Variants in LIFR observed in about 807,000 individuals in gnomAD.
The protein encoded by LIFR is LIF receptor subunit alpha.
Under a neutral mutation model 122.2 loss-of-function variants are expected in LIFR, and 84 were observed. The observed-to-expected ratio is 0.69, with a 90% CI of 0.58 to 0.82. The LOEUF is 0.82. LIFR is among the 40% of genes least tolerant of loss of function. LIFR has a pLI of 0.00. For missense variants in LIFR, 1,294 were observed against 1,311.6 expected (o/e 0.99, Z 0.21); for synonymous variants, 422 against 434.7 (o/e 0.97, Z 0.36).
intron 2 of LIFR, among the ~76,000 whole-genome samples, chr5:38,600,835 T>A (rs1750209464): frequency 6.6e-6 from 1 of 152,152 alleles, no homozygotes; most frequent in Admixed American, 6.5e-5. Context: ...TTCCTGATCA[T>A]TTTGGGCCTG....
chr5:38,565,986 C>G (rs1037970103), intron 1 of LIFR, among the ~76,000 whole-genome samples: 1 of 152,076 alleles, frequency 6.6e-6, no homozygotes, highest in Non-Finnish European at 1.5e-5. Context: ...AGCCCTTTGT[C>G]TTATGAAGAC....
Position 38,506,063 on chromosome 5 carries a change from T to C in LIFR, c.1133A>G (p.Lys378Arg). The change falls in exon 9 of 20, where the codon AAA becomes AGA. Residue 378 changes from lysine to arginine, a missense_variant. Lys to Arg is a conservative substitution (Grantham distance 26). Transcript: ENST00000453190. ...SYTLVESFSGKYVRLKRAEAP... is the reference protein window; with the variant it reads ...SYTLVESFSGRYVRLKRAEAP... Reference sequence around the variant, plus strand: ...TTCAGCTCTTTTAAGTCTAACATATTTTCCTGAAAAACTGTTAATTAACAG... The same window carrying C: ...TTCAGCTCTTTTAAGTCTAACATATCTTCCTGAAAAACTGTTAATTAACAG... 1.3e-6 allele frequency: 2 copies of C among 1,596,362 alleles called. No homozygotes were observed. Among genetic ancestry groups the C allele is most frequent in the Non-Finnish European group, 1.7e-6 (2 of 1,169,052 alleles).
At chr5:38,494,506 C>A (rs1744774023) in intron 13 of LIFR, among the ~76,000 whole-genome samples, 1 of 151,860 alleles carries the variant, frequency 6.6e-6, no homozygotes, top group Admixed American at 6.6e-5. Context: ...GGCGCAGAGG[C>A]CCTGGCAAGG....
chr5:38,556,783 C>T (rs1437416137), upstream of LIFR: 7 of 147,738 alleles, frequency 4.7e-5, no homozygotes, highest in African/African-American at 1.2e-4. Context: ...GCCGCGCGCC[C>T]GCGCGCGCGG....
Position 38,490,294 on chromosome 5 carries a change from A to G in LIFR, c.2066-3T>C. 7.4e-7 allele frequency: 1 copy of G among 1,347,400 alleles called. No individual in the cohort carries two copies. 83.5% of individuals were successfully genotyped at this position (1,347,400 alleles called of 1,614,324 possible). On this transcript the variant is annotated splice_polypyrimidine_tract_variant and splice_region_variant and intron_variant, in intron 14 of 19. Coordinates refer to ENST00000453190, the MANE Select transcript of LIFR (RefSeq NM_001127671.2). Reference sequence around the variant, plus strand: ...TCTTATACCTGGTCGAAACTCATCTATAGGATGAACATATCAGCAAACTTT... The same window carrying G: ...TCTTATACCTGGTCGAAACTCATCTGTAGGATGAACATATCAGCAAACTTT...
intron 1 of LIFR, among the ~76,000 whole-genome samples, chr5:38,575,710 T>G (rs1300475513): frequency 6.6e-6 from 1 of 152,056 alleles, no homozygotes; most frequent in African/African-American, 2.4e-5. Flanking sequence ...ATCCAGAAAA[T>G]GTGCTGGACT....
chr5:38,524,968 C>T (rs1472921453), intron 4 of LIFR, among the ~76,000 whole-genome samples: 4 of 152,100 alleles, frequency 2.6e-5, no homozygotes, highest in Non-Finnish European at 5.9e-5. Flanking sequence ...AAACCACTGG[C>T]GAGGCTACTG....
chr5:38,498,608 T>C (rs938832082), intron 12 of LIFR, among the ~76,000 whole-genome samples: 8 of 152,318 alleles, frequency 5.3e-5, no homozygotes, highest in African/African-American at 1.9e-4. Flanking sequence ...TCAGCATAGA[T>C]AATGAAGCTA....
At chr5:38,593,064 A>G (rs562044435) in intron 1 of LIFR, among the ~76,000 whole-genome samples, 154 of 151,980 alleles carry the variant, frequency 1.0e-3, no homozygotes, top group Non-Finnish European at 1.8e-3. Context: ...TTAGCCAGGC[A>G]TGGTGGTGCA....
rs1210354429 is a variant in LIFR at position 38,505,913 on chromosome 5, G to T, written c.1283C>A (p.Thr428Asn). ...RSQSTILVNITEKVYPHTPTS... is the reference protein window; with the variant it reads ...RSQSTILVNINEKVYPHTPTS... ...GTTTATGTACAGCTTACCTTTTTCA[G>T]TTATATTAACTAAAATTGTTGATTG... is the stretch of plus-strand genomic sequence containing the variant. The change falls in exon 9 of 20, where the codon ACT becomes AAT. Residue 428 changes from threonine (T) to asparagine (N), a missense_variant. Thr to Asn is a moderately conservative substitution (Grantham distance 65). Coordinates refer to ENST00000453190, the MANE Select transcript of LIFR (RefSeq NM_001127671.2). 6.2e-7 allele frequency: 1 copy of T among 1,602,962 alleles called. No individual in the cohort carries two copies. Among genetic ancestry groups the T allele is most frequent in the Admixed American group, 1.7e-5 (1 of 59,430 alleles).
intron 4 of LIFR, among the ~76,000 whole-genome samples, chr5:38,525,095 A>G (rs1197139910): frequency 6.6e-6 from 1 of 152,214 alleles, no homozygotes; most frequent in Non-Finnish European, 1.5e-5. Context: ...AGAATCCAGG[A>G]CACTAAAAAA....
At chr5:38,590,832 G>GA (rs1749900114) in intron 1 of LIFR, among the ~76,000 whole-genome samples, 1 of 152,160 alleles carries the variant, frequency 6.6e-6, no homozygotes. Context: ...CAAACCCGGG[G>GA]ATCTGACACC....
At chr5:38,507,361 T>C (rs1745544520) in intron 7 of LIFR, among the ~76,000 whole-genome samples, 1 of 151,758 alleles carries the variant, frequency 6.6e-6, no homozygotes, top group African/African-American at 2.4e-5. Flanking sequence ...GTCAGGAGTT[T>C]GAGACCAGCC....
At chr5:38,519,315 A>G (rs554358723) in intron 5 of LIFR, among the ~76,000 whole-genome samples, 1 of 152,274 alleles carries the variant, frequency 6.6e-6, no homozygotes, top group African/African-American at 2.4e-5. Flanking sequence ...ATACAGGTGT[A>G]CCATTTTTTA....
At position 38,511,921 on chromosome 5, in the gene LIFR, T is replaced by G. The variant is rs1745824503; in HGVS notation, c.605A>C (p.His202Pro). 2 of 1,614,024 alleles carry G rather than the reference T, an allele frequency of 1.2e-6. No homozygotes were observed. Among genetic ancestry groups the G allele is most frequent in the African/African-American group, 1.3e-5 (1 of 74,938 alleles). ...TTLNGKDTLH[H>P]WSWASDMPLE... Reference sequence around the variant, plus strand: ...GGGCATATCTGAGGCCCAACTCCAGTGATGAAGTGTATCTTTGCCATTCAG... The same window carrying G: ...GGGCATATCTGAGGCCCAACTCCAGGGATGAAGTGTATCTTTGCCATTCAG... Residue 202 changes from histidine to proline, a missense_variant, in exon 6 of 20, where the codon CAC becomes CCC. His to Pro is a moderately conservative substitution (Grantham distance 77, BLOSUM62 -2). Coordinates refer to ENST00000453190, the MANE Select transcript of LIFR (RefSeq NM_001127671.2).
chr5:38,537,811 T>C (rs909263886), intron 1 of LIFR, among the ~76,000 whole-genome samples: 1 of 152,230 alleles, frequency 6.6e-6, no homozygotes, highest in African/African-American at 2.4e-5. Flanking sequence ...TAATTGGGCA[T>C]TAATCATTTC....
At chr5:38,517,790 G>A (rs1380468821) in intron 5 of LIFR, among the ~76,000 whole-genome samples, 2 of 140,666 alleles carry the variant, frequency 1.4e-5, no homozygotes, top group East Asian at 2.2e-4. Context: ...CCGGGATTTG[G>A]AGGTTGCAGT....
upstream of LIFR, among the ~76,000 whole-genome samples, chr5:38,599,412 C>T (rs550850767): frequency 1.6e-4 from 17 of 108,338 alleles, no homozygotes; most frequent in African/African-American, 4.6e-4. Context: ...AGATGGAAGT[C>T]CTCAGGGTGC....
chr5:38,502,335 G>A (rs1745225108), intron 11 of LIFR, among the ~76,000 whole-genome samples: 1 of 151,738 alleles, frequency 6.6e-6, no homozygotes, highest in South Asian at 2.1e-4. Flanking sequence ...TTGGCTCACT[G>A]CAACCTCCGC....
Sources: gnomAD v4.1 joint callset for allele counts (sites outside exome capture counted in the v4.1 genomes callset) on GRCh38, gnomAD v4.1.1 for gene constraint, MANE v1.5 for transcripts, NCBI Gene and HGNC (gene_info 2026-07-23, HGNC 2026-07-21) for gene names.